Variants in NRXN1 observed in about 807,000 individuals in gnomAD.
The protein encoded by NRXN1 is neurexin 1.
A neutral mutation model predicts 150.9 loss-of-function variants in NRXN1; 39 were observed. The observed-to-expected ratio is 0.26, with a 90% CI of 0.20 to 0.34. The LOEUF (loss-of-function observed/expected upper bound fraction) is 0.34. Among genes scored for constraint, NRXN1 ranks in the 10% least tolerant of loss-of-function variants. NRXN1 has a pLI of 1.00. For missense variants in NRXN1, 1,815 were observed against 1,949.9 expected (o/e 0.93, Z 1.30); for synonymous variants, 924 against 757.0 (o/e 1.22, Z -3.62).
chr2:50,611,366 G>C (rs147183275), intron 8 of NRXN1, among the ~76,000 whole-genome samples: 2 of 152,128 alleles, frequency 1.3e-5, no homozygotes, highest in Non-Finnish European at 1.5e-5. Flanking sequence ...TGCTGAAAAT[G>C]ATGGGAAATA....
intron 5 of NRXN1, among the ~76,000 whole-genome samples, chr2:50,791,299 C>A (rs1705985577): frequency 8.6e-6 from 1 of 116,724 alleles, no homozygotes; most frequent in African/African-American, 3.3e-5. Context: ...ACAGGAGATT[C>A]CAAACTGCTT....
intron 18 of NRXN1, among the ~76,000 whole-genome samples, chr2:50,155,420 A>T (rs927057783): frequency 1.4e-5 from 2 of 146,092 alleles, no homozygotes; most frequent in African/African-American, 5.0e-5. Flanking sequence ...GCTACCCAAG[A>T]ACAATTAAGA....
At position 50,010,517 on chromosome 2, in the gene NRXN1, C is replaced by T. The variant is rs567829350; in HGVS notation, c.4128+42754G>A. Among the ~76,000 whole-genome samples the T allele has an allele frequency of 8.5e-5, 13 of 152,176 alleles. No individual in the cohort carries two copies. In the South Asian group the frequency reaches 2.7e-3, roughly 32 times the overall value. On this transcript the variant is annotated intron_variant, in intron 21 of 22. Transcript: ENST00000401669. ...TTGCAACGATAACTCTAAGAAAATG[C>T]CCTGCTAGCCCCTTCTTCTGACCAA...
chr2:50,633,874 T>C (rs1162446368), intron 5 of NRXN1, among the ~76,000 whole-genome samples: 4 of 151,780 alleles, frequency 2.6e-5, no homozygotes, highest in African/African-American at 7.3e-5. Context: ...AGCAAAAGAG[T>C]GCAATGAGGG....
At position 50,538,321 on chromosome 2, in the gene NRXN1, C is replaced by T. The variant is rs797045796; in HGVS notation, c.2075G>A (p.Arg692Lys). 1.9e-6 allele frequency: 3 copies of T among 1,613,876 alleles called. No individual in the cohort carries two copies. Among genetic ancestry groups the T allele is most frequent in the Admixed American group, 3.3e-5 (2 of 60,004 alleles). ...SNPCKNNGMCRDGWNRYVCDC... is the reference protein window; with the variant it reads ...SNPCKNNGMCKDGWNRYVCDC... The stretch of plus-strand genomic sequence containing the variant: ...ACAGACATATCTGTTCCACCCATCC[C>T]TGCACATGCCATTGTTTTTGCAAGG... Residue 692 changes from arginine to lysine, a missense_variant, in exon 10 of 23, where the codon AGG (arginine) becomes AAG (lysine). Arg to Lys is a conservative substitution (Grantham distance 26). Transcript: ENST00000401669.
chr2:50,407,107 A>G (rs1294015291), intron 17 of NRXN1, among the ~76,000 whole-genome samples: 5 of 152,154 alleles, frequency 3.3e-5, no homozygotes, highest in African/African-American at 9.7e-5. Context: ...AAATTATCAA[A>G]TTGTGTATTT....
chr2:50,006,632 C>G (rs917777384), intron 21 of NRXN1, among the ~76,000 whole-genome samples: 3 of 152,210 alleles, frequency 2.0e-5, no homozygotes, highest in African/African-American at 7.2e-5. Context: ...TGTTGATATA[C>G]CCACCTTTAA....
chr2:50,706,826 T>G (rs1694512384), intron 5 of NRXN1, among the ~76,000 whole-genome samples: 1 of 150,906 alleles, frequency 6.6e-6, no homozygotes, highest in Non-Finnish European at 1.5e-5. Flanking sequence ...TTTTTTTTTT[T>G]GCTACAAGGC....
intron 17 of NRXN1, among the ~76,000 whole-genome samples, chr2:50,302,427 T>C (rs1234161044): frequency 6.6e-6 from 1 of 152,194 alleles, no homozygotes; most frequent in Non-Finnish European, 1.5e-5. Flanking sequence ...AGATTCAAGA[T>C]ACATTTTGTC....
At position 50,375,887 on chromosome 2, in the gene NRXN1, G is replaced by A. The variant is rs968109492; in HGVS notation, c.3364+89555C>T. On this transcript the variant is annotated intron_variant, in intron 17 of 22. Transcript: ENST00000401669. ...TTTGGAAAAAACAATTTTAGGCTCC[G>A]AAATAAGAAATAAATACAACCCCTT... Among the ~76,000 whole-genome samples, 12 of 151,788 alleles carry A rather than the reference G, an allele frequency of 7.9e-5. 1 individual carries two copies. Among genetic ancestry groups the A allele is most frequent in the Admixed American group, 1.3e-4 (2 of 15,228 alleles).
chr2:50,711,959 G>C (rs1489097226), intron 5 of NRXN1, among the ~76,000 whole-genome samples: 1 of 152,042 alleles, frequency 6.6e-6, no homozygotes, highest in Non-Finnish European at 1.5e-5. Flanking sequence ...AGTCCCCAGA[G>C]CTGTGAGAAA....
At chr2:50,981,557 G>C (rs4971717) in intron 2 of NRXN1, among the ~76,000 whole-genome samples, 98,010 of 150,718 alleles carry the variant, frequency 0.65, 32,464 homozygotes, top group African/African-American at 0.77. Flanking sequence ...TTTGTATTAC[G>C]TATTAATTTT....
At chr2:50,879,856 A>G (rs1257451924) in intron 5 of NRXN1, among the ~76,000 whole-genome samples, 2 of 151,990 alleles carry the variant, frequency 1.3e-5, no homozygotes, top group Non-Finnish European at 2.9e-5. Context: ...AGAAAGTAGC[A>G]TTAAAAGGAG....
chr2:50,567,576 A>G (rs1670062490), intron 8 of NRXN1, among the ~76,000 whole-genome samples: 2 of 118,376 alleles, frequency 1.7e-5, no homozygotes, highest in African/African-American at 7.9e-5. Flanking sequence ...ATAAAGATAT[A>G]GAATCTGATT....
At chr2:50,683,646 AATATATAT>A (rs71225142) in intron 5 of NRXN1, among the ~76,000 whole-genome samples, 10 of 14,902 alleles carry the variant, frequency 6.7e-4, no homozygotes, top group African/African-American at 3.2e-3. Context: ...AAAAAAAAAA[AATATATAT>A]ATATATATAT....
chr2:50,231,456 A>G (rs1199718256), intron 18 of NRXN1, among the ~76,000 whole-genome samples: 1 of 152,098 alleles, frequency 6.6e-6, no homozygotes, highest in African/African-American at 2.4e-5. Context: ...CACTGTTTCT[A>G]GTCTACACTA....
intron 21 of NRXN1, among the ~76,000 whole-genome samples, chr2:50,040,278 A>C (rs1690728693): frequency 6.6e-6 from 1 of 151,770 alleles, no homozygotes. Context: ...AATTAATGGA[A>C]CAAGAAATTA....
chr2:49,925,996 A>G (rs1669047661), intron 22 of NRXN1, among the ~76,000 whole-genome samples: 1 of 152,206 alleles, frequency 6.6e-6, no homozygotes, highest in Admixed American at 6.5e-5. Flanking sequence ...GCCCAGGGGC[A>G]TAAGGAACTC....
chr2:50,788,673 G>A (rs1417351514), intron 5 of NRXN1, among the ~76,000 whole-genome samples: 2 of 152,002 alleles, frequency 1.3e-5, no homozygotes, highest in Non-Finnish European at 2.9e-5. Flanking sequence ...TCAGGGATAA[G>A]GTTATTTCTG....
Sources: allele counts gnomAD v4.1 joint callset (sites outside exome capture counted in the v4.1 genomes callset), GRCh38; gene constraint gnomAD v4.1.1; transcripts MANE v1.5; gene names NCBI Gene and HGNC (gene_info 2026-07-23, HGNC 2026-07-21).